The following CBX5 variants were observed in gnomAD, a reference collection of about 807,000 sequenced individuals.
The protein encoded by CBX5 is chromobox 5, also known as chromobox protein homolog 5.
A neutral mutation model predicts 20.7 loss-of-function variants in CBX5; 7 were observed. The ratio of observed to expected loss-of-function variants is 0.34; its 90% CI spans 0.19 to 0.63. The LOEUF is 0.63. Ranked by LOEUF, CBX5 falls within the 30% of genes least tolerant of loss-of-function variation. The pLI is 0.75. For missense variants in CBX5, 110 were observed against 224.1 expected, an observed-to-expected ratio of 0.49 and a Z score of 3.25; for synonymous variants, 78 against 77.0, an observed-to-expected ratio of 1.01 and a Z score of -0.07.
intron 2 of CBX5, 199 bp from the exon 3 acceptor site, chr12:54,252,426 T>C (rs1343196269): frequency 4.4e-6 from 2 of 452,268 alleles, no homozygotes; most frequent in East Asian, 7.4e-5. Context: ...CAAAGACTTA[T>C]TTACAATTGT....
intron 1 of CBX5, among the ~76,000 whole-genome samples, chr12:54,263,762 C>CAAAAAAAAAAAAAAAAAAAAAAAA (rs66591051): frequency 2.6e-5 from 1 of 37,894 alleles, no homozygotes; most frequent in Non-Finnish European, 5.1e-5. Context: ...GACTCTATCT[C>CAAAAAAAAAAAAAAAAAAAAAAAA]AAAAAAAAAA....
intron 2 of CBX5, among the ~76,000 whole-genome samples, chr12:54,254,782 G>A (rs942475491): frequency 6.6e-6 from 1 of 151,944 alleles, no homozygotes; most frequent in Non-Finnish European, 1.5e-5. Context: ...GAACCCGGGA[G>A]AAGGAGGTTG....
chr12:54,242,967 T>C (rs1943693869), intron 4 of CBX5, among the ~76,000 whole-genome samples: 1 of 151,096 alleles, frequency 6.6e-6, no homozygotes, highest in Non-Finnish European at 1.5e-5. Context: ...CTACAAAAAA[T>C]ACAAAAATCA....
intron 1 of CBX5, among the ~76,000 whole-genome samples, chr12:54,274,615 A>G (rs1317200818): frequency 6.6e-6 from 1 of 152,206 alleles, no homozygotes; most frequent in Admixed American, 6.5e-5. Context: ...GGCTATACCA[A>G]TAAGATATGG....
rs916741223 is a variant in CBX5 at position 54,238,046 on chromosome 12, T to C, written c.*3709A>G. ...CTCTACCAAAAATACAAAAATTAGC[T>C]GGGCATGGTGGCACACACCTGTAGT... On this transcript the variant is annotated 3_prime_UTR_variant, in exon 5 of 5. Coordinates refer to ENST00000209875, the MANE Select transcript of CBX5 (RefSeq NM_012117.3). 1 of 151,992 alleles carries C rather than the reference T, an allele frequency of 6.6e-6. No homozygotes were observed. Among genetic ancestry groups the C allele is most frequent in the African/African-American group, 2.4e-5 (1 of 41,372 alleles). 9.4% of individuals were successfully genotyped at this position (151,992 alleles called of 1,614,324 possible).
At chr12:54,251,380 G>A (rs1328349339) in intron 3 of CBX5, among the ~76,000 whole-genome samples, 1 of 151,440 alleles carries the variant, frequency 6.6e-6, no homozygotes. Flanking sequence ...TTAGCTGGGC[G>A]TGGTGGCAGG....
rs561936631 is a variant in CBX5 at position 54,274,085 on chromosome 12, T to C, written c.-43+5923A>G. ...CAGAAAGATCTAATATTTACATAGC[T>C]GCTAACAAGAACAGTGTAGGTTTTT... On this transcript the variant is annotated intron_variant, in intron 1 of 4. Transcript: ENST00000209875. 3 of 152,358 alleles carry C rather than the reference T, an allele frequency of 2.0e-5. No homozygotes were observed. The South Asian group carries it at 6.2e-4, about 32-fold the overall frequency. 9.4% of individuals were successfully genotyped at this position (152,358 alleles called of 1,614,324 possible).
chr12:54,268,137 T>G (rs930955303), intron 1 of CBX5, among the ~76,000 whole-genome samples: 1 of 151,996 alleles, frequency 6.6e-6, no homozygotes, highest in Non-Finnish European at 1.5e-5. Flanking sequence ...GAGCGAGACT[T>G]CATCTCAAAC....
rs977125073 is a variant in CBX5 at position 54,232,120 on chromosome 12, A to G, written c.*9635T>C. On this transcript the variant is annotated 3_prime_UTR_variant, in exon 5 of 5. Transcript: ENST00000209875. Reference sequence around the variant, plus strand: ...CCCTGCCTCACGATTCCCTAATCCAATGCTCTTGAATCTGAAATGGCCTCC... The same window carrying G: ...CCCTGCCTCACGATTCCCTAATCCAGTGCTCTTGAATCTGAAATGGCCTCC... The G allele has an allele frequency of 6.6e-6, 1 of 152,208 alleles. No individual in the cohort carries two copies. The highest frequency in any genetic ancestry group is 1.5e-5 in the Non-Finnish European group (1 of 68,046). 9.4% of individuals were successfully genotyped at this position (152,208 alleles called of 1,614,324 possible). A position where few individuals can be genotyped will look rare whatever the true frequency, so the allele number is the denominator to read the frequency against.
At chr12:54,250,410 A>AAAAT (rs911054155) in intron 3 of CBX5, among the ~76,000 whole-genome samples, 2 of 151,958 alleles carry the variant, frequency 1.3e-5, no homozygotes, top group Non-Finnish European at 2.9e-5. Flanking sequence ...ACTCTGTCTC[A>AAAAT]AAATAAATAA....
chr12:54,248,698 G>A (rs1943762517), intron 3 of CBX5, among the ~76,000 whole-genome samples: 1 of 152,204 alleles, frequency 6.6e-6, no homozygotes. Flanking sequence ...CATAGGGAGG[G>A]AAGAGGAGGC....
chr12:54,262,540 C>G (rs1279246837), intron 1 of CBX5: 2 of 152,930 alleles, frequency 1.3e-5, no homozygotes, highest in Non-Finnish European at 2.9e-5. Context: ...AGTCACAGAT[C>G]AGAAGCTGGC....
At chr12:54,254,575 G>A (rs1239087903) in intron 2 of CBX5, among the ~76,000 whole-genome samples, 3 of 150,198 alleles carry the variant, frequency 2.0e-5, no homozygotes, top group Admixed American at 6.6e-5. Context: ...TTCCTCGGCC[G>A]GGCACGGTGG....
rs531961941 is a variant in CBX5 at position 54,272,401 on chromosome 12, G to T, written c.-43+7607C>A. On this transcript the variant is annotated intron_variant, in intron 1 of 4. Transcript: ENST00000209875. ...AACAGGCATTCAGTGAGTCTGAAGA[G>T]TAAGACTGCAAGTGAAAATTTTTAC... 4.6e-5 allele frequency: 7 copies of T among 152,228 alleles called. No homozygotes were observed. The East Asian group carries it at 1.4e-3, about 29-fold the overall frequency. 9.4% of individuals were successfully genotyped at this position (152,228 alleles called of 1,614,324 possible).
intron 1 of CBX5, among the ~76,000 whole-genome samples, chr12:54,263,589 G>T (rs1215262051): frequency 5.3e-5 from 8 of 150,852 alleles, no homozygotes; most frequent in Non-Finnish European, 4.4e-5. Context: ...AAAAAAATTA[G>T]TCAGGCGTGG....
At chr12:54,264,894 A>C (rs1943943549) in intron 1 of CBX5, among the ~76,000 whole-genome samples, 1 of 152,178 alleles carries the variant, frequency 6.6e-6, no homozygotes, top group African/African-American at 2.4e-5. Context: ...GCCTCACTGA[A>C]CTACCCACTG....
At chr12:54,243,526 A>G (rs1190961607) in intron 4 of CBX5, among the ~76,000 whole-genome samples, 1 of 152,052 alleles carries the variant, frequency 6.6e-6, no homozygotes, top group Non-Finnish European at 1.5e-5. Context: ...ACGCCACTGC[A>G]CTCCAGCCTG....
At chr12:54,251,391 C>T (rs1395638307) in intron 3 of CBX5, among the ~76,000 whole-genome samples, 2 of 150,560 alleles carry the variant, frequency 1.3e-5, no homozygotes, top group South Asian at 2.1e-4. Flanking sequence ...TGGTGGCAGG[C>T]GCCTGTAGTC....
intron 3 of CBX5, among the ~76,000 whole-genome samples, chr12:54,251,487 C>T (rs1226185501): frequency 6.8e-6 from 1 of 147,496 alleles, no homozygotes; most frequent in Non-Finnish European, 1.5e-5. Context: ...CCACTGCACT[C>T]CAGCCTGGGT....
Sources: gnomAD v4.1 joint callset for allele counts (sites outside exome capture counted in the v4.1 genomes callset) on GRCh38, gnomAD v4.1.1 for gene constraint, MANE v1.5 for transcripts, NCBI Gene and HGNC (gene_info 2026-07-23, HGNC 2026-07-21) for gene names.